FUBP1: variants seen among roughly 807,000 people sequenced by gnomAD.
The protein encoded by FUBP1 is far upstream element-binding protein 1.
FUBP1 carries 16 observed loss-of-function variants against 94.9 expected under a neutral mutation model. That is an observed-to-expected ratio of 0.17 (90% confidence interval 0.11 to 0.26). The LOEUF is 0.26. Ranked by LOEUF, FUBP1 falls within the 10% of genes least tolerant of loss-of-function variation. The pLI is 1.00. For missense variants in FUBP1, 583 were observed against 808.6 expected (o/e 0.72, Z 3.38); for synonymous variants, 279 against 254.9 (o/e 1.09, Z -0.90).
intron 18 of FUBP1, among the ~76,000 whole-genome samples, chr1:77,951,521 C>A (rs1176241487): frequency 1.3e-5 from 2 of 152,144 alleles, no homozygotes; most frequent in African/African-American, 4.8e-5. Flanking sequence ...CCTTACCTTG[C>A]GCTCCCCTTA....
intron 13 of FUBP1, 42 bp downstream of exon 13, chr1:77,963,532 A>C (rs1205731304): frequency 8.3e-7 from 1 of 1,197,956 alleles, no homozygotes; most frequent in Admixed American, 1.9e-5. Context: ...GTCCAGAAAA[A>C]TGAATAATGT....
chr1:77,963,812 C>G (rs1655979272), intron 12 of FUBP1, 97 bp from the exon 13 acceptor site: 1 of 1,005,302 alleles, frequency 9.9e-7, no homozygotes, highest in Non-Finnish European at 1.5e-6. Context: ...TCTCATATAC[C>G]TGAATCAGAA....
intron 16 of FUBP1, among the ~76,000 whole-genome samples, chr1:77,958,767 T>C (rs1654933205): frequency 6.6e-6 from 1 of 152,176 alleles, no homozygotes; most frequent in South Asian, 2.1e-4. Context: ...TGCTCAAAAA[T>C]ACAATCCTGG....
At position 77,962,843 on chromosome 1, in the gene FUBP1, A is replaced by G. The variant is rs757932540; in HGVS notation, c.1271T>C (p.Met424Thr). The change falls in exon 14 of 20, where the codon ATG (methionine) becomes ACG (threonine). Residue 424 changes from methionine (M) to threonine (T), a missense_variant. Transcript: ENST00000370768. ...RNPPPNADPN[M>T]KLFTIRGTPQ... ...AGTGCCACGAATTGTAAATAACTTC[A>G]TATTAGGATCTGCATTTGGTGGAGG... 6 of 1,611,410 alleles carry G rather than the reference A, an allele frequency of 3.7e-6. No individual in the cohort carries two copies. Among genetic ancestry groups the G allele is most frequent in the African/African-American group, 1.3e-5 (1 of 74,880 alleles).
chr1:77,972,637 CTG>C (rs1468024889), intron 1 of FUBP1, among the ~76,000 whole-genome samples: 2 of 151,192 alleles, frequency 1.3e-5, no homozygotes, highest in African/African-American at 4.9e-5. Context: ...TGGTGCGCAC[CTG>C]TAATTCCAGC....
Position 77,947,450 on chromosome 1 carries a change from T to TAA in FUBP1, c.*1315_*1316insTT. 1 of 824,148 alleles carries TAA rather than the reference T, an allele frequency of 1.2e-6. No homozygotes were observed. 51.1% of individuals were successfully genotyped at this position (824,148 alleles called of 1,614,324 possible). A position where few individuals can be genotyped will look rare whatever the true frequency, so the allele number is the denominator to read the frequency against. On this transcript the variant is annotated 3_prime_UTR_variant, in exon 20 of 20. Coordinates refer to ENST00000370768, the MANE Select transcript of FUBP1 (RefSeq NM_003902.5). ...CATCAATTTGTCATTCTGATGTACT[T>TAA]ACAGTGCAATGCTCCTTGAAGGAAC...
intron 7 of FUBP1, among the ~76,000 whole-genome samples, chr1:77,966,422 T>G (rs1290708479): frequency 6.6e-6 from 1 of 152,214 alleles, no homozygotes; most frequent in Non-Finnish European, 1.5e-5. Context: ...TCGACCTGAC[T>G]GTGCATTCTT....
chr1:77,960,965 G>C, intron 14 of FUBP1, among the ~76,000 whole-genome samples: 1 of 152,176 alleles, frequency 6.6e-6, no homozygotes, highest in Middle Eastern at 3.4e-3. Flanking sequence ...CACTGATAAC[G>C]TTAATAGCTA....
Position 77,979,040 on chromosome 1 carries a change from G to C in FUBP1, c.-36C>G. 6.4e-7 allele frequency: 1 copy of C among 1,574,716 alleles called. No individual in the cohort carries two copies. The highest frequency in any genetic ancestry group is 8.7e-7 in the Non-Finnish European group (1 of 1,154,888). ...TAAGAGCCGCTGCCGCCTGTTCAGA[G>C]ACTTCCTCTCAGCTAACAGCTAAGA... On this transcript the variant is annotated 5_prime_UTR_variant, in exon 1 of 20. Coordinates refer to ENST00000370768, the MANE Select transcript of FUBP1 (RefSeq NM_003902.5).
chr1:77,950,637 AAG>A (rs1205267276), intron 18 of FUBP1, among the ~76,000 whole-genome samples: 1 of 152,158 alleles, frequency 6.6e-6, no homozygotes, highest in East Asian at 1.9e-4. Context: ...AAAAATTGAG[AAG>A]AGAGAGTATA....
Position 77,958,242 on chromosome 1 carries a change from C to G in FUBP1, c.1577-1542G>C, listed in dbSNP as rs1487156460. 2.6e-5 allele frequency among the ~76,000 whole-genome samples: 4 copies of G among 152,190 alleles called. No individual in the cohort carries two copies. In the East Asian group the frequency reaches 7.7e-4, roughly 29 times the overall value. On this transcript the variant is annotated intron_variant, in intron 16 of 19. Coordinates refer to ENST00000370768, the MANE Select transcript of FUBP1 (RefSeq NM_003902.5). ...AAACCAGTCTCACAGTTACAAATAA[C>G]TAGTATGTACTAAGAATTTACTAAA...
intron 1 of FUBP1, 130 bp downstream of exon 1, chr1:77,978,755 G>GT (rs1485483925): frequency 4.4e-6 from 5 of 1,143,994 alleles, no homozygotes; most frequent in African/African-American, 3.0e-5. Flanking sequence ...ATGGGGAAAC[G>GT]TGTCTCTTCA....
chr1:77,948,264 AG>A lies in FUBP1; in HGVS notation c.*501del. 1 of 1,056,082 alleles carries A rather than the reference AG, an allele frequency of 9.5e-7. No individual in the cohort carries two copies. The highest frequency in any genetic ancestry group is 1.1e-6 in the Non-Finnish European group (1 of 873,106). 65.4% of individuals were successfully genotyped at this position (1,056,082 alleles called of 1,614,324 possible). A position where few individuals can be genotyped will look rare whatever the true frequency, so the allele number is the denominator to read the frequency against. On this transcript the variant is annotated 3_prime_UTR_variant, in exon 20 of 20. Coordinates refer to ENST00000370768, the MANE Select transcript of FUBP1 (RefSeq NM_003902.5). ...TCCTCCAATCTACCACTATACTGCAAGGGGGGAAAAACATGCCAGTGTTTAA... is the reference window on the plus strand; with the variant it reads ...TCCTCCAATCTACCACTATACTGCAAGGGGGAAAAACATGCCAGTGTTTAA...
chr1:77,974,666 C>T (rs1658273936), intron 1 of FUBP1, among the ~76,000 whole-genome samples: 1 of 152,138 alleles, frequency 6.6e-6, no homozygotes, highest in African/African-American at 2.4e-5. Context: ...ATCGTTAATA[C>T]TGTGTCTGAT....
intron 2 of FUBP1, among the ~76,000 whole-genome samples, chr1:77,968,451 C>A (rs968232198): frequency 1.3e-5 from 2 of 151,924 alleles, no homozygotes; most frequent in African/African-American, 4.8e-5. Context: ...AATCACTGAC[C>A]TTAATGTATG....
chr1:77,962,537 C>T (rs988669777), intron 14 of FUBP1, among the ~76,000 whole-genome samples: 2 of 152,194 alleles, frequency 1.3e-5, no homozygotes, highest in South Asian at 2.1e-4. Flanking sequence ...CTACCCTCCT[C>T]TTATCTAGCC....
intron 2 of FUBP1, among the ~76,000 whole-genome samples, chr1:77,968,571 G>A (rs1656946283): frequency 6.7e-6 from 1 of 150,084 alleles, no homozygotes; most frequent in African/African-American, 2.4e-5. Context: ...AGACTGGGGG[G>A]AGAAAAGCCT....
At chr1:77,973,266 G>A (rs1657934498) in intron 1 of FUBP1, among the ~76,000 whole-genome samples, 1 of 152,074 alleles carries the variant, frequency 6.6e-6, no homozygotes, top group Admixed American at 6.5e-5. Flanking sequence ...TATTATTTGA[G>A]ATGGAGTCTC....
chr1:77,960,242 A>T lies in FUBP1; in HGVS notation c.1518T>A (p.Ala506=). The change falls in exon 16 of 20, where the codon GCT becomes GCA. Residue 506 remains alanine (A), a synonymous_variant. Transcript: ENST00000370768. ...PAPHGPPAPY[A]PQGWGNAYPH... ...GATATGCATTTCCCCATCCCTGGGG[A>T]GCATATGGGGCTGGAGGACCACTGA... 1 of 1,612,710 alleles carries T rather than the reference A, an allele frequency of 6.2e-7. No homozygotes were observed. Among genetic ancestry groups the T allele is most frequent in the Non-Finnish European group, 8.5e-7 (1 of 1,179,206 alleles).
Sources: allele counts gnomAD v4.1 joint callset (sites outside exome capture counted in the v4.1 genomes callset), GRCh38; gene constraint gnomAD v4.1.1; transcripts MANE v1.5; gene names NCBI Gene and HGNC (gene_info 2026-07-23, HGNC 2026-07-21).